The following SLC14A2 variants were observed in gnomAD, a reference collection of about 807,000 sequenced individuals.
SLC14A2 encodes urea transporter 2.
A neutral mutation model predicts 104.6 loss-of-function variants in SLC14A2; 91 were observed. The observed-to-expected ratio is 0.87, with a 90% CI of 0.73 to 1.04. The LOEUF is 1.04. Ranked by LOEUF, SLC14A2 falls within the 50% of genes least tolerant of loss-of-function variation. SLC14A2 has a pLI of 0.00. For synonymous variants in SLC14A2, 476 were observed against 466.4 expected, an observed-to-expected ratio of 1.02 and a Z score of -0.27; for missense variants, 1,189 against 1,156.0, an observed-to-expected ratio of 1.03 and a Z score of -0.41.
chr18:45,623,651 G>A (rs1001339697), intron 1 of SLC14A2, among the ~76,000 whole-genome samples: 1 of 152,160 alleles, frequency 6.6e-6, no homozygotes, highest in African/African-American at 2.4e-5. Flanking sequence ...CCCTTTTGAA[G>A]GGAATCCTGC....
At chr18:45,238,161 C>T (rs1305835545) in intron 1 of SLC14A2, among the ~76,000 whole-genome samples, 1 of 152,184 alleles carries the variant, frequency 6.6e-6, no homozygotes, top group African/African-American at 2.4e-5. Context: ...TGCTGTCTGC[C>T]TAGCAGATGG....
chr18:45,397,088 C>T (rs2086042573), intron 1 of SLC14A2, among the ~76,000 whole-genome samples: 1 of 152,098 alleles, frequency 6.6e-6, no homozygotes, highest in African/African-American at 2.4e-5. Flanking sequence ...TAGGTTGATT[C>T]TGTGTTTTGC....
chr18:45,356,500 A>T (rs764363691), intron 1 of SLC14A2, among the ~76,000 whole-genome samples: 1 of 152,242 alleles, frequency 6.6e-6, no homozygotes, highest in East Asian at 1.9e-4. Context: ...ATCAGCACAG[A>T]CAGTGACAAA....
At chr18:45,262,385 CTG>C (rs2084548417) in intron 1 of SLC14A2, among the ~76,000 whole-genome samples, 2 of 152,088 alleles carry the variant, frequency 1.3e-5, no homozygotes, top group African/African-American at 4.8e-5. Flanking sequence ...TTGGGAAACA[CTG>C]TGATGTCCAG....
intron 2 of SLC14A2, among the ~76,000 whole-genome samples, chr18:45,565,717 A>G (rs2044257420): frequency 6.6e-6 from 1 of 152,208 alleles, no homozygotes; most frequent in Admixed American, 6.5e-5. Context: ...ACATACAGCC[A>G]GGGCTGAATC....
intron 1 of SLC14A2, among the ~76,000 whole-genome samples, chr18:45,415,265 G>A (rs1471054923): frequency 6.6e-6 from 1 of 152,054 alleles, no homozygotes; most frequent in Non-Finnish European, 1.5e-5. Context: ...GAGACCTGGG[G>A]TCAGGGGGTG....
intron 1 of SLC14A2, among the ~76,000 whole-genome samples, chr18:45,462,770 A>T (rs1398415399): frequency 4.6e-5 from 7 of 151,924 alleles, no homozygotes; most frequent in African/African-American, 1.7e-4. Context: ...CATTTTTTTT[A>T]ATTTTTTTGT....
At chr18:45,208,794 A>G (rs2083936293), upstream of SLC14A2, among the ~76,000 whole-genome samples, 4 of 152,126 alleles carry the variant, frequency 2.6e-5, no homozygotes, top group Admixed American at 2.6e-4. Flanking sequence ...AGGAGCATGG[A>G]GAATCAATCA....
the SLC14A2 span, among the ~76,000 whole-genome samples, chr18:45,196,883 A>C: frequency 6.6e-6 from 1 of 152,246 alleles, no homozygotes; most frequent in Non-Finnish European, 1.5e-5. Context: ...CCAAGACAAC[A>C]TATAAACAAG....
chr18:45,397,380 A>C (rs2144437594), intron 1 of SLC14A2, among the ~76,000 whole-genome samples: 1 of 152,290 alleles, frequency 6.6e-6, no homozygotes, highest in Non-Finnish European at 1.5e-5. Flanking sequence ...ATGGTTTCTC[A>C]GTGTGGTTTT....
intron 2 of SLC14A2, among the ~76,000 whole-genome samples, chr18:45,561,415 C>T (rs767103395): frequency 7.9e-5 from 12 of 152,122 alleles, no homozygotes; most frequent in Non-Finnish European, 1.3e-4. Flanking sequence ...GCTAGGGCTG[C>T]GGAACCCAGG....
chr18:45,274,580 G>A (rs2084683405), intron 1 of SLC14A2, among the ~76,000 whole-genome samples: 1 of 152,176 alleles, frequency 6.6e-6, no homozygotes, highest in African/African-American at 2.4e-5. Context: ...GTTACTCACA[G>A]GGTAGGAAAT....
intron 1 of SLC14A2, among the ~76,000 whole-genome samples, chr18:45,443,934 G>A (rs1017554044): frequency 2.0e-5 from 3 of 152,146 alleles, no homozygotes; most frequent in Non-Finnish European, 4.4e-5. Context: ...CATAATCCAG[G>A]CCTTAGGGAG....
At chr18:45,355,192 A>G (rs2085540407) in intron 1 of SLC14A2, among the ~76,000 whole-genome samples, 1 of 152,188 alleles carries the variant, frequency 6.6e-6, no homozygotes, top group African/African-American at 2.4e-5. Flanking sequence ...GACAATGTAT[A>G]CAGTGCACGG....
the SLC14A2 span, among the ~76,000 whole-genome samples, chr18:45,169,942 C>G: frequency 1.3e-5 from 2 of 152,102 alleles, no homozygotes; most frequent in African/African-American, 2.4e-5. Flanking sequence ...AAAACACAAC[C>G]TAAAAAGAAC....
chr18:45,192,636 G>GTTTTTTGTTTTGTTTT, the SLC14A2 span, among the ~76,000 whole-genome samples: 24 of 112,826 alleles, frequency 2.1e-4, no homozygotes, highest in South Asian at 7.6e-4. Flanking sequence ...GTGTGTGTGT[G>GTTTTTTGTTTTGTTTT]GTTTTTTTTT....
chr18:45,616,922 A>G (rs1383974103), intron 1 of SLC14A2, among the ~76,000 whole-genome samples: 1 of 151,618 alleles, frequency 6.6e-6, no homozygotes, highest in East Asian at 1.9e-4. Flanking sequence ...ACATGATGAA[A>G]CCCCGTCTCT....
chr18:45,369,096 G>A (rs1241967033), intron 1 of SLC14A2, among the ~76,000 whole-genome samples: 6 of 152,124 alleles, frequency 3.9e-5, no homozygotes, highest in African/African-American at 1.4e-4. Flanking sequence ...ATGGGTCTCA[G>A]TCAACATGGG....
At chr18:45,606,004 C>G (rs2044860817) in intron 2 of SLC14A2, among the ~76,000 whole-genome samples, 2 of 152,124 alleles carry the variant, frequency 1.3e-5, no homozygotes, top group African/African-American at 2.4e-5. Flanking sequence ...TGACAACAAA[C>G]AGAAACTCCA....
Sources: gnomAD v4.1 joint callset for allele counts (sites outside exome capture counted in the v4.1 genomes callset) on GRCh38, gnomAD v4.1.1 for gene constraint, MANE v1.5 for transcripts, NCBI Gene and HGNC (gene_info 2026-07-23, HGNC 2026-07-21) for gene names.